DNER: variants seen among roughly 807,000 people sequenced by gnomAD.
DNER encodes the protein delta and Notch-like epidermal growth factor-related receptor.
In DNER, 33 loss-of-function variants were observed where a neutral mutation model predicts 78.2. The ratio of observed to expected loss-of-function variants is 0.42; its 90% CI spans 0.32 to 0.56. The LOEUF (loss-of-function observed/expected upper bound fraction) is 0.56. Ranked by LOEUF, DNER falls within the 20% of genes least tolerant of loss-of-function variation. The pLI, the probability that DNER is intolerant of heterozygous loss-of-function variation, is 0.11. For missense variants in DNER, 918 were observed against 975.3 expected, an observed-to-expected ratio of 0.94 and a Z score of 0.78; for synonymous variants, 417 against 384.8, an observed-to-expected ratio of 1.08 and a Z score of -0.98.
chr2:229,676,033 A>C (rs997003677), intron 1 of DNER, among the ~76,000 whole-genome samples: 1 of 152,082 alleles, frequency 6.6e-6, no homozygotes, highest in African/African-American at 2.4e-5. Flanking sequence ...CCACTCTCAC[A>C]AGTTCTGGAA....
chr2:229,572,607 A>G (rs756154010), intron 4 of DNER, among the ~76,000 whole-genome samples: 3 of 152,224 alleles, frequency 2.0e-5, no homozygotes, highest in African/African-American at 4.8e-5. Flanking sequence ...GGACAAGAAG[A>G]GAAAGGAAAG....
At chr2:229,579,018 AG>A (rs1309001853) in intron 4 of DNER, among the ~76,000 whole-genome samples, 1 of 152,210 alleles carries the variant, frequency 6.6e-6, no homozygotes, top group Non-Finnish European at 1.5e-5. Flanking sequence ...ACATATTCAA[AG>A]GTTCTGTTAC....
In DNER at chr2:229,496,452, C is replaced by T. The variant is rs543352349; in HGVS notation, c.1147+16331G>A. ...ACAAAAAGAGAGTAGTAAGTCCTCA[C>T]CTATCAATAATTATTTTGAATGTAC... On this transcript the variant is annotated intron_variant, in intron 6 of 12. Coordinates refer to ENST00000341772, the MANE Select transcript of DNER (RefSeq NM_139072.4). Among the ~76,000 whole-genome samples the T allele has an allele frequency of 3.1e-3, 470 of 152,214 alleles. 1 individual carries two copies. Among genetic ancestry groups the T allele is most frequent in the African/African-American group, 0.011 (445 of 41,540 alleles).
intron 1 of DNER, among the ~76,000 whole-genome samples, chr2:229,593,854 A>C (rs1252027548): frequency 6.6e-6 from 1 of 152,274 alleles, no homozygotes; most frequent in Non-Finnish European, 1.5e-5. Flanking sequence ...TCTAGTCACA[A>C]ATAAGAATTT....
At chr2:229,454,048 G>A (rs547826230) in intron 7 of DNER, among the ~76,000 whole-genome samples, 35 of 151,420 alleles carry the variant, frequency 2.3e-4, no homozygotes, top group Admixed American at 1.6e-3. Context: ...ACAAGCCCAC[G>A]CCAGCCTGCT....
intron 1 of DNER, among the ~76,000 whole-genome samples, chr2:229,682,803 G>A (rs1386302371): frequency 1.2e-4 from 18 of 152,100 alleles, no homozygotes; most frequent in African/African-American, 4.3e-4. Context: ...AGCCAAGATC[G>A]TGCCATTGCA....
At chr2:229,520,410 A>G (rs901338518) in intron 5 of DNER, among the ~76,000 whole-genome samples, 2 of 151,836 alleles carry the variant, frequency 1.3e-5, no homozygotes, top group African/African-American at 2.4e-5. Flanking sequence ...TTGCTAAAGG[A>G]CCCCCCAGGC....
At chr2:229,536,024 ATCAGACT>A (rs1284005441) in intron 5 of DNER, among the ~76,000 whole-genome samples, 5 of 152,128 alleles carry the variant, frequency 3.3e-5, no homozygotes, top group Non-Finnish European at 5.9e-5. Flanking sequence ...GTCTAATCTC[ATCAGACT>A]TCAGGGAAAC....
intron 4 of DNER, among the ~76,000 whole-genome samples, chr2:229,548,098 A>C (rs1696659830): frequency 6.6e-6 from 1 of 152,252 alleles, no homozygotes. Flanking sequence ...CCACATTCAT[A>C]GATAGTTTTA....
At chr2:229,711,763 T>G (rs1170542829) in intron 1 of DNER, among the ~76,000 whole-genome samples, 1 of 152,180 alleles carries the variant, frequency 6.6e-6, no homozygotes, top group African/African-American at 2.4e-5. Flanking sequence ...AAGGTTCTAT[T>G]TCAGCAACCA....
chr2:229,390,684 C>T (rs1377808406), intron 10 of DNER, among the ~76,000 whole-genome samples: 2 of 152,330 alleles, frequency 1.3e-5, no homozygotes, highest in Admixed American at 6.5e-5. Context: ...TTTTCATCAC[C>T]ATAACATTCT....
chr2:229,524,108 G>A (rs1696154977), intron 5 of DNER, among the ~76,000 whole-genome samples: 1 of 152,222 alleles, frequency 6.6e-6, no homozygotes, highest in Non-Finnish European at 1.5e-5. Context: ...AGGTCCGCCA[G>A]CTCGTAAATT....
chr2:229,415,077 G>A (rs535657540), intron 9 of DNER, among the ~76,000 whole-genome samples: 37 of 152,126 alleles, frequency 2.4e-4, no homozygotes, highest in African/African-American at 8.2e-4. Flanking sequence ...CAGGAGAATC[G>A]CTTGAACCCA....
chr2:229,682,273 T>C (rs1224381453), intron 1 of DNER, among the ~76,000 whole-genome samples: 1 of 152,226 alleles, frequency 6.6e-6, no homozygotes, highest in Non-Finnish European at 1.5e-5. Flanking sequence ...AGAAACCTTG[T>C]ACATAGAATG....
chr2:229,562,728 C>T (rs1476491701), intron 4 of DNER, among the ~76,000 whole-genome samples: 1 of 152,086 alleles, frequency 6.6e-6, no homozygotes, highest in East Asian at 1.9e-4. Flanking sequence ...CCTTCATGTC[C>T]TGGATTCCTT....
chr2:229,398,137 G>A (rs1693190441), intron 10 of DNER, among the ~76,000 whole-genome samples: 1 of 151,888 alleles, frequency 6.6e-6, no homozygotes, highest in Admixed American at 6.6e-5. Context: ...GATTGACAAA[G>A]GAAAAAAGAG....
chr2:229,455,705 T>TG (rs1694557928), intron 7 of DNER, among the ~76,000 whole-genome samples: 1 of 152,034 alleles, frequency 6.6e-6, no homozygotes, highest in South Asian at 2.1e-4. Context: ...CCTGAGAACA[T>TG]CTCTGTACAG....
chr2:229,562,370 A>G (rs1338023619), intron 4 of DNER, among the ~76,000 whole-genome samples: 4 of 152,186 alleles, frequency 2.6e-5, no homozygotes, highest in Non-Finnish European at 5.9e-5. Flanking sequence ...TATATTGAAT[A>G]GGGAGGAGTG....
intron 12 of DNER, among the ~76,000 whole-genome samples, chr2:229,364,215 G>A (rs1054509662): frequency 1.3e-5 from 2 of 151,772 alleles, no homozygotes; most frequent in African/African-American, 4.8e-5. Context: ...TCAGGATACT[G>A]CAAATGTTCC....
Sources: allele counts gnomAD v4.1 joint callset (sites outside exome capture counted in the v4.1 genomes callset), GRCh38; gene constraint gnomAD v4.1.1; transcripts MANE v1.5; gene names NCBI Gene and HGNC (gene_info 2026-07-23, HGNC 2026-07-21).